ALG12: variants seen among roughly 807,000 people sequenced by gnomAD.
ALG12 encodes ALG12 alpha-1,6-mannosyltransferase.
A neutral mutation model predicts 46.0 loss-of-function variants in ALG12; 36 were observed. That is an observed-to-expected ratio of 0.78 (90% confidence interval 0.60 to 1.03). The LOEUF (loss-of-function observed/expected upper bound fraction) is 1.03. Ranked by LOEUF, ALG12 falls within the 50% of genes least tolerant of loss-of-function variation. The pLI, the probability that ALG12 is intolerant of heterozygous loss-of-function variation, is 0.00. For synonymous variants in ALG12, 326 were observed against 291.6 expected, an observed-to-expected ratio of 1.12 and a Z score of -1.20; for missense variants, 599 against 633.5, an observed-to-expected ratio of 0.95 and a Z score of 0.58.
the ALG12 span, among the ~76,000 whole-genome samples, chr22:49,893,086 T>C: frequency 6.6e-6 from 1 of 152,196 alleles, no homozygotes; most frequent in Non-Finnish European, 1.5e-5. Context: ...AAATTAGGCT[T>C]ATAGATGAAA....
chr22:49,913,873 T>A (rs2060595817), intron 1 of ALG12, 30 bp from the exon 2 acceptor site: 5 of 1,482,024 alleles, frequency 3.4e-6, no homozygotes, highest in South Asian at 2.3e-5. Context: ...TTCCTGAGGT[T>A]CGAAAGTCAC....
chr22:49,907,933 C>A lies in ALG12; in HGVS notation c.780G>T (p.Leu260=). 1 of 1,612,710 alleles carries A rather than the reference C, an allele frequency of 6.2e-7. No homozygotes were observed. Residue 260 remains leucine (L), a synonymous_variant, in exon 7 of 10, where the codon CTG becomes CTT. Coordinates refer to ENST00000330817, the MANE Select transcript of ALG12 (RefSeq NM_024105.4). Reference sequence around the variant, plus strand: ...GCAGGGCTGAGTAGAAGTACCACAGCAGCGGGGAGGTCTGCGGGCTGGGTT... The same window carrying A: ...GCAGGGCTGAGTAGAAGTACCACAGAAGCGGGGAGGTCTGCGGGCTGGGTT... The part of the protein sequence containing the change: ...NKSSNWGTSP[L]LWYFYSALPR...
chr22:49,891,998 C>G, the ALG12 span, among the ~76,000 whole-genome samples: 1 of 151,922 alleles, frequency 6.6e-6, no homozygotes, highest in South Asian at 2.1e-4. Context: ...TGCATCCTGG[C>G]TAAAACAGTG....
chr22:49,885,286 C>G, the ALG12 span: 4 of 1,594,828 alleles, frequency 2.5e-6, no homozygotes, highest in Non-Finnish European at 3.4e-6. Flanking sequence ...GACTGACTTG[C>G]CAACAGTGGT....
chr22:49,870,943 A>ATTTTTT, the ALG12 span, among the ~76,000 whole-genome samples: 1 of 138,112 alleles, frequency 7.2e-6, no homozygotes, highest in South Asian at 2.3e-4. Flanking sequence ...TAAAAGATAG[A>ATTTTTT]TTTTTTTTTT....
At chr22:49,886,636 C>T in the ALG12 span, 10 of 1,588,568 alleles carry the variant, frequency 6.3e-6, no homozygotes, top group South Asian at 2.3e-5. The surrounding 1 kb of genome is among the most constrained non-coding windows in gnomAD (Gnocchi z 7.7). Context: ...CATGGTGAGC[C>T]GCCTGTCTGC....
At chr22:49,892,363 G>T in the ALG12 span, among the ~76,000 whole-genome samples, 1 of 152,276 alleles carries the variant, frequency 6.6e-6, no homozygotes, top group East Asian at 1.9e-4. Flanking sequence ...CTGACAGAAG[G>T]TGGCAACCAG....
At chr22:49,904,535 G>A (rs1345805659) in intron 7 of ALG12, 29 bp from the exon 8 acceptor site, 2 of 1,613,120 alleles carry the variant, frequency 1.2e-6, no homozygotes, top group Non-Finnish European at 1.7e-6. Flanking sequence ...CACATCATAG[G>A]CAGAACGTAA....
At chr22:49,884,353 T>C in the ALG12 span, 1 of 1,613,222 alleles carries the variant, frequency 6.2e-7, no homozygotes, top group Admixed American at 1.7e-5. Flanking sequence ...GTCTGTAGTT[T>C]CTTCTGAAGA....
downstream of ALG12, among the ~76,000 whole-genome samples, chr22:49,896,738 C>A (rs2060484738): frequency 6.6e-6 from 1 of 152,194 alleles, no homozygotes; most frequent in Non-Finnish European, 1.5e-5. Context: ...CGGGTTCAAG[C>A]AATCCTCCTG....
chr22:49,859,583 C>T, the ALG12 span, among the ~76,000 whole-genome samples: 3 of 152,186 alleles, frequency 2.0e-5, no homozygotes, highest in Non-Finnish European at 4.4e-5. Context: ...CATCTGGACA[C>T]CGAGGTCCAG....
chr22:49,901,960 CTGTG>C lies in ALG12; in HGVS notation c.*1874_*1877del, dbSNP rs373017330. 3 of 125,206 alleles carry C rather than the reference CTGTG, an allele frequency of 2.4e-5. No individual in the cohort carries two copies. Among genetic ancestry groups the C allele is most frequent in the African/African-American group, 6.6e-5 (2 of 30,454 alleles). 7.8% of individuals were successfully genotyped at this position (125,206 alleles called of 1,614,324 possible). ...ATGCACGGTAATGTGCACGTGTGCA[CTGTG>C]TGTGGTGTGTATGCATGGTGTGTGC... On this transcript the variant is annotated 3_prime_UTR_variant, in exon 10 of 10. Transcript: ENST00000330817.
chr22:49,909,324 A>T lies in ALG12; in HGVS notation c.688T>A (p.Tyr230Asn). The part of the protein sequence containing the change: ...CLGLTVAVDS[Y>N]FWRQLTWPEG... ...GGCCAAGTGAGCTGCCGCCAAAAATAAGAGTCCACAGCAACCGTCAGTCCT... is the reference window on the plus strand; with the variant it reads ...GGCCAAGTGAGCTGCCGCCAAAAATTAGAGTCCACAGCAACCGTCAGTCCT... Residue 230 changes from tyrosine (Y) to asparagine (N), a missense_variant, in exon 6 of 10, where the codon TAT (tyrosine) becomes AAT (asparagine). Tyr to Asn is a moderately radical substitution (Grantham distance 143). Transcript: ENST00000330817. 6.2e-7 allele frequency: 1 copy of T among 1,614,238 alleles called. No homozygotes were observed. The highest frequency in any genetic ancestry group is 1.1e-5 in the South Asian group (1 of 91,088).
chr22:49,902,903 T>G lies in ALG12; in HGVS notation c.*935A>C, dbSNP rs1238583842. 1.0e-5 allele frequency: 2 copies of G among 190,818 alleles called. No individual in the cohort carries two copies. The highest frequency in any genetic ancestry group is 6.1e-5 in the African/African-American group (2 of 32,918). The allele number at this position is 190,818 out of a possible 1,614,324, so 11.8% of individuals were successfully genotyped here. A position where few individuals can be genotyped will look rare whatever the true frequency, so the allele number is the denominator to read the frequency against. On this transcript the variant is annotated 3_prime_UTR_variant, in exon 10 of 10. Transcript: ENST00000330817. The stretch of plus-strand genomic sequence containing the variant: ...ATGTGCACGTGTGCACTGTGTGTGG[T>G]GTGTATGCATGGTGTGTGCACGTGT...
the ALG12 span, among the ~76,000 whole-genome samples, chr22:49,862,938 G>A: frequency 6.6e-6 from 1 of 151,982 alleles, no homozygotes; most frequent in South Asian, 2.1e-4. Flanking sequence ...CTGACCTTAG[G>A]TGATCCACCT....
At position 49,901,530 on chromosome 22, in the gene ALG12, GGTGTGTGCACGTGTGCATT is replaced by G. The variant is rs985830335; in HGVS notation, c.*2289_*2307del. On this transcript the variant is annotated 3_prime_UTR_variant, in exon 10 of 10. Coordinates refer to ENST00000330817, the MANE Select transcript of ALG12 (RefSeq NM_024105.4). The stretch of plus-strand genomic sequence containing the variant: ...ATTGCATTGTGTGGTGTGTATGCAT[GGTGTGTGCACGTGTGCATT>G]GTGTGTGCACGATTGCATTGTGTGG... 5.9e-5 allele frequency: 9 copies of G among 152,024 alleles called. No homozygotes were observed. Among genetic ancestry groups the G allele is most frequent in the East Asian group, 5.8e-4 (3 of 5,138 alleles). The allele number at this position is 152,024 out of a possible 1,614,324, so 9.4% of individuals were successfully genotyped here. A position where few individuals can be genotyped will look rare whatever the true frequency, so the allele number is the denominator to read the frequency against.
In ALG12 at chr22:49,906,663, C is replaced by T. The variant is rs995012807; in HGVS notation, c.992+1058G>A. Among the ~76,000 whole-genome samples, 5 of 152,214 alleles carry T rather than the reference C, an allele frequency of 3.3e-5. No homozygotes were observed. The highest frequency in any genetic ancestry group is 1.2e-4 in the African/African-American group (5 of 41,454). ...AGCCAGAGTGGGCACCTCTCAATGC[C>T]CCAGGCCGCGGCCCTCCTGGCCTGT... On this transcript the variant is annotated intron_variant, in intron 7 of 9. Coordinates refer to ENST00000330817, the MANE Select transcript of ALG12 (RefSeq NM_024105.4). This position sits in a 1 kb window ranked among gnomAD's most constrained non-coding sequence, Gnocchi z 4.4.
Position 49,906,268 on chromosome 22 carries a change from C to T in ALG12, c.992+1453G>A, listed in dbSNP as rs532757813. ...CCTGTCACCGAATACAATCCATCCG[C>T]GCCGCTCTCCCCGTCTTTCCTACCC... On this transcript the variant is annotated intron_variant, in intron 7 of 9. Coordinates refer to ENST00000330817, the MANE Select transcript of ALG12 (RefSeq NM_024105.4). The surrounding 1 kb of genome is among the most constrained non-coding windows in gnomAD (Gnocchi z 4.4). Among the ~76,000 whole-genome samples the T allele has an allele frequency of 2.6e-5, 4 of 152,170 alleles. No individual in the cohort carries two copies. Among genetic ancestry groups the T allele is most frequent in the Admixed American group, 6.5e-5 (1 of 15,280 alleles).
At chr22:49,885,187 G>A in the ALG12 span, 1 of 1,614,104 alleles carries the variant, frequency 6.2e-7, no homozygotes, top group East Asian at 2.2e-5. Context: ...TCCAGAAGTT[G>A]TCGGGAGCCA....
Sources: allele counts gnomAD v4.1 joint callset (sites outside exome capture counted in the v4.1 genomes callset), GRCh38; gene constraint gnomAD v4.1.1; non-coding constraint Gnocchi (gnomAD v3.1); transcripts MANE v1.5; gene names NCBI Gene and HGNC (gene_info 2026-07-23, HGNC 2026-07-21).